The following PSTPIP1 variants were observed in gnomAD, a reference collection of about 807,000 sequenced individuals.
The protein encoded by PSTPIP1 is proline-serine-threonine phosphatase interacting protein 1.
Under a neutral mutation model 69.6 loss-of-function variants are expected in PSTPIP1, and 66 were observed. The ratio of observed to expected loss-of-function variants is 0.95; its 90% CI spans 0.78 to 1.16. The LOEUF is 1.16. Among genes scored for constraint, PSTPIP1 ranks in the 50% most tolerant of loss-of-function variants. The probability of loss-of-function intolerance (pLI) is 0.00; values close to 1 mark genes in which losing one functional copy is unlikely to be tolerated. For synonymous variants in PSTPIP1, 266 were observed against 222.7 expected (o/e 1.19, Z -1.73); for missense variants, 603 against 557.4 (o/e 1.08, Z -0.82).
rs2076597080 is a variant in PSTPIP1 at position 77,037,085 on chromosome 15, A to G, written c.1160A>G (p.Glu387Gly). 1 of 1,612,242 alleles carries G rather than the reference A, an allele frequency of 6.2e-7. No homozygotes were observed. The change falls in exon 15 of 15, where the codon GAG (glutamate) becomes GGG (glycine). Residue 387 changes from glutamate to glycine, a missense_variant. Physicochemically the swap from Glu to Gly is moderately conservative, Grantham distance 98. Coordinates refer to ENST00000558012, the MANE Select transcript of PSTPIP1 (RefSeq NM_003978.5). ...GACCTGTCCGCGGGAGACATCCTGG[A>G]GGTGATCCTGGAAGGGGAGGATGGC... The part of the protein sequence containing the change: ...ELDLSAGDIL[E>G]VILEGEDGWW...
chr15:77,012,234 C>T (rs1269308986), intron 1 of PSTPIP1, among the ~76,000 whole-genome samples: 1 of 147,630 alleles, frequency 6.8e-6, no homozygotes, highest in Non-Finnish European at 1.5e-5. Flanking sequence ...TCCATCCATC[C>T]ATCCACCCAC....
At chr15:77,008,944 G>C (rs1462660566) in intron 1 of PSTPIP1, among the ~76,000 whole-genome samples, 1 of 152,196 alleles carries the variant, frequency 6.6e-6, no homozygotes, top group Non-Finnish European at 1.5e-5. Flanking sequence ...TACTTGGCAG[G>C]CGCCATCTTT....
At chr15:77,016,834 C>T (rs1041517537) in intron 1 of PSTPIP1, among the ~76,000 whole-genome samples, 14 of 152,206 alleles carry the variant, frequency 9.2e-5, no homozygotes, top group African/African-American at 3.4e-4. Context: ...TGGATTTCGA[C>T]TCCATCCCTG....
At chr15:77,031,737 C>T (rs949651892) in intron 10 of PSTPIP1, 1 of 175,402 alleles carries the variant, frequency 5.7e-6, no homozygotes, top group South Asian at 1.2e-4. Flanking sequence ...GGTGGGTCCT[C>T]CCCAGCAGAG....
At position 77,036,975 on chromosome 15, in the gene PSTPIP1, CCAGGCCCCTCCCTG is replaced by C. The variant is rs550537172; in HGVS notation, c.1120-62_1120-49del. On this transcript the variant is annotated intron_variant, in intron 14 of 14. Transcript: ENST00000558012. The stretch of plus-strand genomic sequence containing the variant: ...GCATTTACTGCTGGGTGGGGGAACG[CCAGGCCCCTCCCTG>C]CAGGCCCTTCCCTGCAGGCCCTTCC... 515 of 1,572,714 alleles carry C rather than the reference CCAGGCCCCTCCCTG, an allele frequency of 3.3e-4. 2 individuals are homozygous for C. In the African/African-American group the frequency reaches 5.3e-3, roughly 16 times the overall value.
At chr15:77,020,861 A>T (rs1395812031) in intron 3 of PSTPIP1, among the ~76,000 whole-genome samples, 1 of 41,450 alleles carries the variant, frequency 2.4e-5, no homozygotes, top group Admixed American at 2.6e-4. Context: ...CTCATCTTAG[A>T]CTCCTGTGGG....
chr15:77,003,717 A>G (rs1326835799), intron 1 of PSTPIP1, among the ~76,000 whole-genome samples: 1 of 151,512 alleles, frequency 6.6e-6, no homozygotes, highest in African/African-American at 2.4e-5. Context: ...ACCCTCACCC[A>G]CACTTGCTAG....
intron 10 of PSTPIP1, chr15:77,031,531 C>G: frequency 5.3e-6 from 2 of 374,008 alleles, no homozygotes; most frequent in South Asian, 5.4e-5. Flanking sequence ...CCTTATGCCT[C>G]AGAGCCACAG....
chr15:77,012,145 CCA>C (rs2075950069), intron 1 of PSTPIP1, among the ~76,000 whole-genome samples: 1 of 126,502 alleles, frequency 7.9e-6, no homozygotes, highest in Non-Finnish European at 1.7e-5. Context: ...ATCCATCCAT[CCA>C]TCCATCCATC....
Position 77,035,547 on chromosome 15 carries a change from G to T in PSTPIP1, c.969G>T (p.Ser323=), listed in dbSNP as rs369205216. 6.3e-7 allele frequency: 1 copy of T among 1,587,704 alleles called. No homozygotes were observed. Among genetic ancestry groups the T allele is most frequent in the Non-Finnish European group, 8.6e-7 (1 of 1,167,548 alleles). ...TGCACGGAAGTCCCAAGACCACTTC[G>T]TTGGCAGCTTCTGCTGGTAAAGGGG... ...GLLHGSPKTT[S]LAASAASTET... is the part of the protein sequence containing the mutation. Residue 323 remains serine (S), a synonymous_variant, in exon 13 of 15, where the codon TCG becomes TCT. Coordinates refer to ENST00000558012, the MANE Select transcript of PSTPIP1 (RefSeq NM_003978.5).
chr15:76,995,097 C>T, upstream of PSTPIP1: 2 of 1,177,390 alleles, frequency 1.7e-6, no homozygotes, highest in South Asian at 1.6e-5. Flanking sequence ...TGGGCGAGGG[C>T]CCTGTGCCTG....
intron 12 of PSTPIP1, 98 bp from the exon 13 acceptor site, chr15:77,035,410 C>A (rs551894330): frequency 1.6e-6 from 2 of 1,247,252 alleles, no homozygotes; most frequent in East Asian, 2.5e-5. Context: ...TGGCAGAGCG[C>A]GTGCAGCTCT....
At chr15:77,029,401 C>T (rs1172517713) in intron 7 of PSTPIP1, 128 bp from the exon 8 acceptor site, 2 of 1,053,418 alleles carry the variant, frequency 1.9e-6, no homozygotes, top group Non-Finnish European at 2.8e-6. Context: ...ATGGCATCTG[C>T]CCATAGTTGG....
rs886038536 is a variant in PSTPIP1 at position 77,027,835 on chromosome 15, C to T, written c.355-17C>T. The T allele has an allele frequency of 1.3e-5, 20 of 1,559,330 alleles. No homozygotes were observed. The highest frequency in any genetic ancestry group is 2.4e-5 in the East Asian group (1 of 41,400). ...CGAGGCCGCGGCCCTCGGCTCAGAA[C>T]CTCGTGTCCCCTGCAGTATGAGGCC... is the stretch of plus-strand genomic sequence containing the variant. On this transcript the variant is annotated splice_polypyrimidine_tract_variant and intron_variant, in intron 5 of 14. Transcript: ENST00000558012. This position sits in a 1 kb window ranked among gnomAD's most constrained non-coding sequence, Gnocchi z 4.3.
In PSTPIP1 at chr15:77,030,555, G is replaced by C; in HGVS notation, c.616G>C (p.Glu206Gln). ...GCTGGAGAAGGTCCGGGCTGAGTGGGAGCAGGAGCACCGGACCACCTGTGA... is the reference window on the plus strand; with the variant it reads ...GCTGGAGAAGGTCCGGGCTGAGTGGCAGCAGGAGCACCGGACCACCTGTGA... ...AQLEKVRAEW[E>Q]QEHRTTCEAF... Residue 206 changes from glutamate (E) to glutamine (Q), a missense_variant, in exon 9 of 15, where the codon GAG (glutamate) becomes CAG (glutamine). Glu to Gln is a conservative substitution (Grantham distance 29). Coordinates refer to ENST00000558012, the MANE Select transcript of PSTPIP1 (RefSeq NM_003978.5). 2 of 1,610,304 alleles carry C rather than the reference G, an allele frequency of 1.2e-6. No individual in the cohort carries two copies. Among genetic ancestry groups the C allele is most frequent in the South Asian group, 2.2e-5 (2 of 90,954 alleles).
intron 2 of PSTPIP1, 99 bp from the exon 3 acceptor site, chr15:77,018,358 C>A: frequency 6.5e-7 from 1 of 1,533,816 alleles, no homozygotes; most frequent in South Asian, 1.2e-5. Flanking sequence ...TGTCAGAACA[C>A]GCCCTGCTTT....
chr15:77,008,870 A>G (rs953213565), intron 1 of PSTPIP1, among the ~76,000 whole-genome samples: 1 of 152,018 alleles, frequency 6.6e-6, no homozygotes, highest in Admixed American at 6.6e-5. Context: ...GGCTGTGTGT[A>G]ACATGTACAC....
intron 3 of PSTPIP1, among the ~76,000 whole-genome samples, chr15:77,021,867 A>G (rs1261594204): frequency 6.6e-6 from 1 of 152,000 alleles, no homozygotes; most frequent in Non-Finnish European, 1.5e-5. Flanking sequence ...CACCTCCCTC[A>G]GAAAGCTGTC....
chr15:77,033,617 T>C (rs942275854), intron 12 of PSTPIP1, among the ~76,000 whole-genome samples: 1 of 152,092 alleles, frequency 6.6e-6, no homozygotes, highest in Non-Finnish European at 1.5e-5. Context: ...ACATGGTGCC[T>C]GTGCCCCCAC....
Sources: gnomAD v4.1 joint callset for allele counts (sites outside exome capture counted in the v4.1 genomes callset) on GRCh38, gnomAD v4.1.1 for gene constraint, Gnocchi (gnomAD v3.1) non-coding constraint, MANE v1.5 for transcripts, NCBI Gene and HGNC (gene_info 2026-07-23, HGNC 2026-07-21) for gene names.